CASQ2: variants seen among roughly 807,000 people sequenced by gnomAD.
The protein encoded by CASQ2 is calsequestrin-2.
Under a neutral mutation model 46.5 loss-of-function variants are expected in CASQ2, and 49 were observed. The observed-to-expected ratio is 1.05, with a 90% confidence interval of 0.84 to 1.34. CASQ2 has a LOEUF of 1.34. CASQ2 is among the 40% of genes most tolerant of loss of function. The pLI is 0.00. For missense variants in CASQ2, 486 were observed against 481.3 expected (o/e 1.01, Z -0.09); for synonymous variants, 174 against 168.5 (o/e 1.03, Z -0.25).
Position 115,701,179 on chromosome 1 carries a change from G to A in CASQ2, c.*62C>T. ...GGGCAGAATTGCTTGCTGCCACCTT[G>A]TGCTGTCTGTATGGTAGTGGGTGCT... is the stretch of plus-strand genomic sequence containing the variant. On this transcript the variant is annotated 3_prime_UTR_variant, in exon 11 of 11. Coordinates refer to ENST00000261448, the MANE Select transcript of CASQ2 (RefSeq NM_001232.4). 1.2e-6 allele frequency: 2 copies of A among 1,612,546 alleles called. No individual in the cohort carries two copies. The highest frequency in any genetic ancestry group is 2.1e-4 in the Middle Eastern group (1 of 4,772).
chr1:115,716,186 G>A (rs1411962872), intron 8 of CASQ2, among the ~76,000 whole-genome samples: 2 of 152,122 alleles, frequency 1.3e-5, no homozygotes, highest in Non-Finnish European at 2.9e-5. Context: ...CTTTCTCTTG[G>A]GGACTCTCTG....
chr1:115,751,651 A>G (rs1326588918), intron 1 of CASQ2, among the ~76,000 whole-genome samples: 1 of 140,948 alleles, frequency 7.1e-6, no homozygotes, highest in East Asian at 2.0e-4. Context: ...CAGACTGGGC[A>G]ACAGAGTGAG....
At chr1:115,746,165 T>TA (rs1375574074) in intron 1 of CASQ2, among the ~76,000 whole-genome samples, 1 of 151,894 alleles carries the variant, frequency 6.6e-6, no homozygotes, top group African/African-American at 2.4e-5. Context: ...TACGCTGTTT[T>TA]TTTTTTTATT....
intron 5 of CASQ2, among the ~76,000 whole-genome samples, chr1:115,731,411 A>G (rs1647778971): frequency 6.6e-6 from 1 of 152,214 alleles, no homozygotes; most frequent in Non-Finnish European, 1.5e-5. Flanking sequence ...CACCTAGTCC[A>G]TTAGAACCAA....
intron 8 of CASQ2, among the ~76,000 whole-genome samples, chr1:115,715,328 C>T (rs74117037): frequency 0.014 from 2,173 of 152,218 alleles, 63 homozygotes; most frequent in African/African-American, 0.05. Context: ...CAAGAGAGTG[C>T]TCAGATAATT....
At position 115,725,507 on chromosome 1, in the gene CASQ2, C is replaced by A; in HGVS notation, c.783+1G>T. 1 of 1,608,578 alleles carries A rather than the reference C, an allele frequency of 6.2e-7. No homozygotes were observed. On this transcript the variant is annotated splice_donor_variant, in intron 7 of 10. Transcript: ENST00000261448. LOFTEE classifies it high-confidence loss of function. Reference sequence around the variant, plus strand: ...GCAAAGAGAGTTTGCCTCTTTCTTACCCATGTTTCAAACATTTCTTCTGGG... The same window carrying A: ...GCAAAGAGAGTTTGCCTCTTTCTTAACCATGTTTCAAACATTTCTTCTGGG...
chr1:115,753,249 G>A (rs1648642446), intron 1 of CASQ2, among the ~76,000 whole-genome samples: 1 of 152,196 alleles, frequency 6.6e-6, no homozygotes, highest in African/African-American at 2.4e-5. Context: ...AGACGAGTAT[G>A]AAAGAAAGCC....
rs763687647 is a variant in CASQ2 at position 115,744,784 on chromosome 1, A to T, written c.319+44T>A. 150 of 1,313,086 alleles carry T rather than the reference A, an allele frequency of 1.1e-4. 1 individual carries two copies. The highest frequency in any genetic ancestry group is 1.5e-4 in the Non-Finnish European group (137 of 906,370). 81.3% of individuals were successfully genotyped at this position (1,313,086 alleles called of 1,614,324 possible). A position where few individuals can be genotyped will look rare whatever the true frequency, so the allele number is the denominator to read the frequency against. ...CTGTACTTTTCCTTTTGCAAGACAC[A>T]TTCGTTTCTTTCCCACATACAGTAT... On this transcript the variant is annotated intron_variant, in intron 2 of 10. Coordinates refer to ENST00000261448, the MANE Select transcript of CASQ2 (RefSeq NM_001232.4).
chr1:115,719,025 C>T (rs968936487), intron 7 of CASQ2, among the ~76,000 whole-genome samples: 1 of 152,128 alleles, frequency 6.6e-6, no homozygotes, highest in Non-Finnish European at 1.5e-5. Context: ...AACCTCCAGG[C>T]GTCTCAACCT....
At chr1:115,742,545 G>A (rs1648223122) in intron 2 of CASQ2, among the ~76,000 whole-genome samples, 1 of 152,130 alleles carries the variant, frequency 6.6e-6, no homozygotes, top group African/African-American at 2.4e-5. Flanking sequence ...CCTCCAAACT[G>A]AGCTTGTTTC....
At chr1:115,746,157 C>A (rs531061852) in intron 1 of CASQ2, among the ~76,000 whole-genome samples, 10 of 88,694 alleles carry the variant, frequency 1.1e-4, no homozygotes, top group Admixed American at 2.7e-4. Flanking sequence ...TGTATCGATA[C>A]GCTGTTTTTT....
chr1:115,748,018 T>C (rs1351533574), intron 1 of CASQ2, among the ~76,000 whole-genome samples: 1 of 152,204 alleles, frequency 6.6e-6, no homozygotes, highest in Non-Finnish European at 1.5e-5. Flanking sequence ...TTTTCTTAAA[T>C]TTTTTGTTTC....
At chr1:115,766,562 G>A (rs10801990) in intron 1 of CASQ2, among the ~76,000 whole-genome samples, 48,982 of 152,056 alleles carry the variant, frequency 0.32, 8,107 homozygotes, top group East Asian at 0.53. Context: ...GAGAAATTAC[G>A]TAATTTGCCC....
Position 115,738,315 on chromosome 1 carries a change from C to T in CASQ2, c.441G>A (p.Glu147=). ...FLLDLIEDPV[E]IISSKLEVQA... The stretch of plus-strand genomic sequence containing the variant: ...GGACTTCCAGTTTGCTGCTGATGAT[C>T]TCCACTGGGTCTTCAATTAGCTGAA... The change falls in exon 4 of 11, where the codon GAG becomes GAA. Residue 147 remains glutamate (E), a synonymous_variant. Coordinates refer to ENST00000261448, the MANE Select transcript of CASQ2 (RefSeq NM_001232.4). The T allele has an allele frequency of 6.2e-7, 1 of 1,611,608 alleles. No homozygotes were observed. The highest frequency in any genetic ancestry group is 8.5e-7 in the Non-Finnish European group (1 of 1,177,656).
At chr1:115,742,759 CTCATT>C (rs1347314752) in intron 2 of CASQ2, among the ~76,000 whole-genome samples, 1 of 147,236 alleles carries the variant, frequency 6.8e-6, no homozygotes, top group African/African-American at 2.6e-5. Context: ...GGAGACAGAA[CTCATT>C]AAACTGTTTG....
intron 1 of CASQ2, among the ~76,000 whole-genome samples, chr1:115,753,456 G>A (rs1470891710): frequency 2.0e-5 from 3 of 152,064 alleles, no homozygotes; most frequent in Non-Finnish European, 4.4e-5. Context: ...CTCATCTCAG[G>A]ACTGGTAAGT....
At chr1:115,745,576 A>C (rs1648361172) in intron 1 of CASQ2, among the ~76,000 whole-genome samples, 1 of 152,126 alleles carries the variant, frequency 6.6e-6, no homozygotes, top group African/African-American at 2.4e-5. Context: ...TGATGACATC[A>C]AGCACAAGAT....
intron 5 of CASQ2, among the ~76,000 whole-genome samples, chr1:115,730,167 C>G (rs4472754): frequency 0.3 from 45,740 of 152,014 alleles, 7,359 homozygotes; most frequent in East Asian, 0.4. Context: ...CCAGACACTG[C>G]CACAACCCTA....
At chr1:115,718,224 G>T (rs948912086) in intron 7 of CASQ2, among the ~76,000 whole-genome samples, 1 of 152,220 alleles carries the variant, frequency 6.6e-6, no homozygotes, top group Non-Finnish European at 1.5e-5. Flanking sequence ...AGCAGTAAAA[G>T]GCAAAATGAG....
Sources: allele counts gnomAD v4.1 joint callset (sites outside exome capture counted in the v4.1 genomes callset), GRCh38; gene constraint gnomAD v4.1.1; transcripts MANE v1.5; gene names NCBI Gene and HGNC (gene_info 2026-07-23, HGNC 2026-07-21).